Variants in KMT2E observed in about 807,000 individuals in gnomAD.
The protein encoded by KMT2E is lysine methyltransferase 2E (inactive).
Under a neutral mutation model 184.6 loss-of-function variants are expected in KMT2E, and 30 were observed. The observed-to-expected ratio is 0.16, with a 90% CI of 0.12 to 0.22. The LOEUF (loss-of-function observed/expected upper bound fraction) is 0.22, where lower values mean the gene tolerates loss of function less well. Ranked by LOEUF, KMT2E falls within the 10% of genes least tolerant of loss-of-function variation. The probability of loss-of-function intolerance (pLI) is 1.00; values close to 1 mark genes in which losing one functional copy is unlikely to be tolerated. For missense variants in KMT2E, 2,023 were observed against 2,237.4 expected (o/e 0.90, Z 1.93); for synonymous variants, 815 against 776.5 (o/e 1.05, Z -0.82).
intron 6 of KMT2E, among the ~76,000 whole-genome samples, chr7:105,072,182 G>C (rs1797349034): frequency 6.6e-6 from 1 of 152,078 alleles, no homozygotes; most frequent in African/African-American, 2.4e-5. Flanking sequence ...GCCAGGTGTG[G>C]TGGCGGGCGC....
intron 6 of KMT2E, 73 bp from the exon 7 acceptor site, chr7:105,073,546 A>T (rs1797413625): frequency 2.2e-6 from 2 of 919,074 alleles, no homozygotes; most frequent in African/African-American, 1.7e-5. Context: ...TAAATAAATT[A>T]AAAAGTTTAT....
intron 13 of KMT2E, among the ~76,000 whole-genome samples, chr7:105,084,396 C>T (rs528881825): frequency 7.2e-5 from 11 of 152,196 alleles, no homozygotes; most frequent in African/African-American, 1.9e-4. Context: ...GAGGCCAAGG[C>T]GGGCGGATTA....
At chr7:105,106,072 C>T in intron 19 of KMT2E, 69 bp downstream of exon 19, 1 of 1,402,386 alleles carries the variant, frequency 7.1e-7, no homozygotes. Context: ...TTATAACAGG[C>T]ATATTTCTAG....
rs1798962677 is a variant in KMT2E at position 105,107,512 on chromosome 7, C to T, written c.3055C>T (p.Pro1019Ser). The T allele has an allele frequency of 6.2e-7, 1 of 1,614,150 alleles. No individual in the cohort carries two copies. The change falls in exon 22 of 27, where the codon CCT becomes TCT. Residue 1019 changes from proline (P) to serine (S), a missense_variant. By Grantham distance (74) the Pro-to-Ser change is moderately conservative (BLOSUM62 -1). Around this residue, in one of 8 missense-constraint regions of KMT2E, gnomAD observed 1,108 missense variants for 1,050.9 expected, o/e 1.05. Coordinates refer to ENST00000311117, the MANE Select transcript of KMT2E (RefSeq NM_182931.3). ...VNRQCPGEKE[P>S]VSDLQLGLDA... Reference sequence around the variant, plus strand: ...CAGGCAGTGTCCTGGAGAAAAGGAACCTGTGTCAGACCTTCAGCTAGGACT... The same window carrying T: ...CAGGCAGTGTCCTGGAGAAAAGGAATCTGTGTCAGACCTTCAGCTAGGACT...
intron 5 of KMT2E, among the ~76,000 whole-genome samples, chr7:105,064,387 G>C (rs1796951589): frequency 6.6e-6 from 1 of 151,592 alleles, no homozygotes; most frequent in African/African-American, 2.4e-5. Flanking sequence ...TATTTGATGT[G>C]ATGCAGTATG....
At chr7:105,056,384 A>G (rs1454064676) in intron 3 of KMT2E, among the ~76,000 whole-genome samples, 1 of 152,208 alleles carries the variant, frequency 6.6e-6, no homozygotes, top group South Asian at 2.1e-4. Context: ...ATCTATTACA[A>G]GGGTTTAGAC....
intron 12 of KMT2E, 90 bp downstream of exon 12, chr7:105,079,053 A>G: frequency 1.4e-6 from 1 of 704,136 alleles, no homozygotes; most frequent in Non-Finnish European, 2.6e-6. Flanking sequence ...TCACTGACCT[A>G]AGACACTTTC....
intron 3 of KMT2E, among the ~76,000 whole-genome samples, chr7:105,043,093 C>T (rs1337651446): frequency 1.3e-5 from 2 of 152,126 alleles, no homozygotes; most frequent in Non-Finnish European, 2.9e-5. Flanking sequence ...AGAAGAACAT[C>T]CTTTAAGTCC....
At chr7:105,060,035 G>A (rs1166062103) in intron 3 of KMT2E, among the ~76,000 whole-genome samples, 1 of 107,664 alleles carries the variant, frequency 9.3e-6, no homozygotes, top group Non-Finnish European at 1.7e-5. Context: ...TAACTCTGTC[G>A]CCCAGGCTGG....
intron 15 of KMT2E, among the ~76,000 whole-genome samples, chr7:105,097,612 C>T (rs1204308745): frequency 6.6e-6 from 1 of 152,058 alleles, no homozygotes; most frequent in African/African-American, 2.4e-5. Context: ...GTCTTGAACT[C>T]CTGACCTTGT....
rs1253885718 is a variant in KMT2E at position 105,071,580 on chromosome 7, G to GTGTA, written c.498-2037_498-2034dup. On this transcript the variant is annotated intron_variant, in intron 6 of 26. Coordinates refer to ENST00000311117, the MANE Select transcript of KMT2E (RefSeq NM_182931.3). Reference sequence around the variant, plus strand: ...TATGTATGTATGTATGTATGTGTGTGTGTATATATATATATATATATATAT... The same window carrying GTGTA: ...TATGTATGTATGTATGTATGTGTGTGTGTATGTATATATATATATATATATATAT... Among the ~76,000 whole-genome samples, 8 of 64,994 alleles carry GTGTA rather than the reference G, an allele frequency of 1.2e-4. No individual in the cohort carries two copies. In the South Asian group the frequency reaches 3.6e-3, roughly 29 times the overall value. The allele number at this position is 64,994 out of a possible 152,430, so 42.6% of individuals were successfully genotyped here.
chr7:105,015,149 G>A (rs914869009), intron 1 of KMT2E, among the ~76,000 whole-genome samples: 1 of 152,104 alleles, frequency 6.6e-6, no homozygotes, highest in Non-Finnish European at 1.5e-5. Flanking sequence ...AGCCTTCTCA[G>A]TCTCCTCCCC....
At chr7:105,049,357 T>C (rs769447749) in intron 3 of KMT2E, among the ~76,000 whole-genome samples, 1 of 151,884 alleles carries the variant, frequency 6.6e-6, no homozygotes, top group Non-Finnish European at 1.5e-5. Flanking sequence ...GGCGGGATGA[T>C]CGCTTGAGCC....
intron 1 of KMT2E, among the ~76,000 whole-genome samples, chr7:105,036,898 T>C (rs1460741869): frequency 6.6e-6 from 1 of 152,200 alleles, no homozygotes; most frequent in African/African-American, 2.4e-5. Flanking sequence ...CTTCCATTTA[T>C]AGTTGAAAGT....
At chr7:105,032,029 G>A (rs1795442155) in intron 1 of KMT2E, among the ~76,000 whole-genome samples, 1 of 122,444 alleles carries the variant, frequency 8.2e-6, no homozygotes, top group African/African-American at 3.2e-5. Context: ...TCACACTACT[G>A]CACTCCACAC....
intron 1 of KMT2E, among the ~76,000 whole-genome samples, chr7:105,017,983 T>C (rs892556827): frequency 2.0e-5 from 3 of 152,182 alleles, no homozygotes; most frequent in African/African-American, 7.2e-5. Flanking sequence ...CAGTAAGCTC[T>C]AGGACTTCTT....
At chr7:105,097,158 C>T (rs1047692402) in intron 15 of KMT2E, among the ~76,000 whole-genome samples, 5 of 152,176 alleles carry the variant, frequency 3.3e-5, no homozygotes, top group Non-Finnish European at 4.4e-5. Context: ...TTTAGAAAAT[C>T]ACTTTAGAAT....
chr7:105,111,088 A>G (rs1321445235), intron 26 of KMT2E: 1 of 527,150 alleles, frequency 1.9e-6, no homozygotes, highest in Non-Finnish European at 3.3e-6. Flanking sequence ...TTTTCTAAGC[A>G]CACTTCAACA....
At chr7:105,077,282 C>G (rs1026324256) in intron 10 of KMT2E, 21 bp from the exon 11 acceptor site, 8 of 1,604,378 alleles carry the variant, frequency 5.0e-6, no homozygotes, top group Non-Finnish European at 6.8e-6. Context: ...TATTTAATCT[C>G]AACATTTACT....
Sources: gnomAD v4.1 joint callset for allele counts (sites outside exome capture counted in the v4.1 genomes callset) on GRCh38, gnomAD v4.1.1 for gene constraint, gnomAD v4.1.1 regional missense constraint, MANE v1.5 for transcripts, NCBI Gene and HGNC (gene_info 2026-07-23, HGNC 2026-07-21) for gene names.